Variants in NPFFR2 observed in about 807,000 individuals in gnomAD.
NPFFR2 encodes neuropeptide FF receptor 2.
A neutral mutation model predicts 13.1 loss-of-function variants in NPFFR2; 15 were observed. The ratio of observed to expected loss-of-function variants is 1.15; its 90% CI spans 0.77 to 1.76. The LOEUF (loss-of-function observed/expected upper bound fraction) is 1.76, where lower values mean the gene tolerates loss of function less well. NPFFR2 is among the 40% of genes most tolerant of loss of function. The pLI is 0.00. For synonymous variants in NPFFR2, 190 were observed against 175.7 expected (o/e 1.08, Z -0.65); for missense variants, 572 against 503.5 (o/e 1.14, Z -1.30).
In NPFFR2 at chr4:72,034,905, G is replaced by A. The variant is rs1418965208; in HGVS notation, c.-8+2705G>A. Among the ~76,000 whole-genome samples, 4 of 152,232 alleles carry A rather than the reference G, an allele frequency of 2.6e-5. No individual in the cohort carries two copies. In the South Asian group the frequency reaches 6.2e-4, roughly 24 times the overall value. On this transcript the variant is annotated intron_variant, in intron 1 of 3. Coordinates refer to ENST00000308744, the MANE Select transcript of NPFFR2 (RefSeq NM_004885.3). ...AATGGGTCTTGTGTCCTTGCTTTGC[G>A]GAGTTTTCAAATACAAGACTTCTAA...
chr4:72,116,164 A>G (rs1721706257), intron 1 of NPFFR2, among the ~76,000 whole-genome samples: 1 of 152,166 alleles, frequency 6.6e-6, no homozygotes, highest in Admixed American at 6.6e-5. Context: ...TAATGTTTGT[A>G]CTAAAGAAAT....
At chr4:72,083,628 G>A (rs1361897342) in intron 1 of NPFFR2, among the ~76,000 whole-genome samples, 1 of 152,048 alleles carries the variant, frequency 6.6e-6, no homozygotes, top group African/African-American at 2.4e-5. Flanking sequence ...TCTAAATATT[G>A]CAGGACTCTG....
At chr4:72,089,248 G>T (rs1026591641) in intron 1 of NPFFR2, among the ~76,000 whole-genome samples, 17 of 152,036 alleles carry the variant, frequency 1.1e-4, no homozygotes, top group Admixed American at 1.3e-4. Flanking sequence ...CATTTGGCTG[G>T]TTCCATATTT....
At position 72,083,926 on chromosome 4, in the gene NPFFR2, G is replaced by T. The variant is rs999412599; in HGVS notation, c.-7-44659G>T. Among the ~76,000 whole-genome samples, 3 of 150,412 alleles carry T rather than the reference G, an allele frequency of 2.0e-5. No homozygotes were observed. In the East Asian group the frequency reaches 7.4e-4, roughly 37 times the overall value. On this transcript the variant is annotated intron_variant, in intron 1 of 3. Coordinates refer to ENST00000308744, the MANE Select transcript of NPFFR2 (RefSeq NM_004885.3). The stretch of plus-strand genomic sequence containing the variant: ...CTCAAGTCAAAGCTAGAGCGTGTTT[G>T]CTTGCTCTCTTCCTTTCTACTCAAG...
intron 3 of NPFFR2, among the ~76,000 whole-genome samples, chr4:72,144,003 AC>A (rs1382388347): frequency 2.0e-5 from 3 of 152,040 alleles, no homozygotes; most frequent in African/African-American, 7.2e-5. Context: ...ATAATGAACC[AC>A]CCCCAAATCA....
intron 1 of NPFFR2, among the ~76,000 whole-genome samples, chr4:72,072,749 G>A (rs1250868033): frequency 6.6e-6 from 1 of 152,068 alleles, no homozygotes; most frequent in Non-Finnish European, 1.5e-5. Context: ...TAAACTCAAA[G>A]ATACTCAAAG....
chr4:72,040,477 A>G (rs1465836737), intron 1 of NPFFR2, among the ~76,000 whole-genome samples: 2 of 152,154 alleles, frequency 1.3e-5, no homozygotes, highest in African/African-American at 4.8e-5. Context: ...ATTCTGTTTC[A>G]CTGACCAATT....
In NPFFR2 at chr4:72,143,032, AAGTGAGAC is replaced by A. The variant is rs1226058336; in HGVS notation, c.429-3945_429-3938del. On this transcript the variant is annotated intron_variant, in intron 3 of 3. Transcript: ENST00000308744. ...ACAGGGAGTAGTGGATTCACAAAAG[AAGTGAGAC>A]CTTCTGATTCCTGGAGAAGTCAGAA... Among the ~76,000 whole-genome samples the A allele has an allele frequency of 9.8e-5, 15 of 152,316 alleles. No individual in the cohort carries two copies. In the East Asian group the frequency reaches 2.9e-3, roughly 29 times the overall value.
At position 72,104,439 on chromosome 4, in the gene NPFFR2, A is replaced by G. The variant is rs77180176; in HGVS notation, c.-7-24146A>G. On this transcript the variant is annotated intron_variant, in intron 1 of 3. Coordinates refer to ENST00000308744, the MANE Select transcript of NPFFR2 (RefSeq NM_004885.3). The stretch of plus-strand genomic sequence containing the variant: ...ATGCTTACAAGATAATGTATAGTGA[A>G]CTTCCTGGTTGAGAACGTGAAATGT... 3.6e-3 allele frequency among the ~76,000 whole-genome samples: 555 copies of G among 152,190 alleles called. 5 individuals carry two copies. Among genetic ancestry groups the G allele is most frequent in the African/African-American group, 0.013 (537 of 41,544 alleles).
chr4:72,071,903 T>C (rs1446222173), intron 1 of NPFFR2, among the ~76,000 whole-genome samples: 1 of 152,098 alleles, frequency 6.6e-6, no homozygotes, highest in Non-Finnish European at 1.5e-5. Flanking sequence ...GAGCCAGACA[T>C]TGAAGACTAG....
rs78764519 is a variant in NPFFR2, at chr4:72,086,131, A to C, written c.-7-42454A>C. On this transcript the variant is annotated intron_variant, in intron 1 of 3. Transcript: ENST00000308744. ...ACCAAGCACATTGTAAGTGTAAAAT[A>C]AATGTGTTTTCCTTGGTATGCCCTA... Among the ~76,000 whole-genome samples, 495 of 152,240 alleles carry C rather than the reference A, an allele frequency of 3.3e-3. 5 individuals are homozygous for C. The highest frequency in any genetic ancestry group is 0.011 in the African/African-American group (458 of 41,572).
intron 1 of NPFFR2, among the ~76,000 whole-genome samples, chr4:72,096,216 G>A (rs1721068058): frequency 6.6e-6 from 1 of 152,092 alleles, no homozygotes; most frequent in Non-Finnish European, 1.5e-5. Context: ...ACGGTACCAG[G>A]TAAATATTGG....
chr4:72,110,162 T>G (rs948685768), intron 1 of NPFFR2, among the ~76,000 whole-genome samples: 1 of 151,994 alleles, frequency 6.6e-6, no homozygotes, highest in South Asian at 2.1e-4. Flanking sequence ...GTTACCCCCA[T>G]GCTGCTGCTC....
intron 2 of NPFFR2, among the ~76,000 whole-genome samples, chr4:72,129,925 G>A (rs1277199314): frequency 1.1e-5 from 1 of 93,396 alleles, no homozygotes; most frequent in African/African-American, 4.9e-5. Context: ...GGGTACTTGA[G>A]ATTAGGGAGT....
intron 1 of NPFFR2, among the ~76,000 whole-genome samples, chr4:72,104,083 T>G (rs534570544): frequency 6.6e-6 from 1 of 152,170 alleles, no homozygotes; most frequent in South Asian, 2.1e-4. Flanking sequence ...GAAAAACATA[T>G]GGAGGCAAAT....
At chr4:72,096,108 C>T (rs1258026287) in intron 1 of NPFFR2, among the ~76,000 whole-genome samples, 3 of 152,140 alleles carry the variant, frequency 2.0e-5, no homozygotes, top group African/African-American at 4.8e-5. Context: ...TATGTTGATA[C>T]TGTGGATAGT....
intron 3 of NPFFR2, among the ~76,000 whole-genome samples, chr4:72,143,700 C>A (rs1420162140): frequency 6.6e-6 from 1 of 152,156 alleles, no homozygotes; most frequent in Non-Finnish European, 1.5e-5. Flanking sequence ...TCTGCCAGAT[C>A]TCTTAAACTT....
intron 1 of NPFFR2, among the ~76,000 whole-genome samples, chr4:72,077,857 A>C (rs188476105): frequency 3.3e-4 from 50 of 152,232 alleles, no homozygotes; most frequent in Non-Finnish European, 5.1e-4. Flanking sequence ...TTTGTAAAAA[A>C]TAGATTTGCC....
chr4:72,065,173 A>G (rs914281406), intron 1 of NPFFR2, among the ~76,000 whole-genome samples: 2 of 152,064 alleles, frequency 1.3e-5, no homozygotes, highest in South Asian at 2.1e-4. Flanking sequence ...AATTTAGAGG[A>G]TTAAAAAACT....
Sources: allele counts gnomAD v4.1 joint callset (sites outside exome capture counted in the v4.1 genomes callset), GRCh38; gene constraint gnomAD v4.1.1; transcripts MANE v1.5; gene names NCBI Gene and HGNC (gene_info 2026-07-23, HGNC 2026-07-21).